Variants in SYT12 observed in about 807,000 individuals in gnomAD.
The protein encoded by SYT12 is synaptotagmin 12.
In SYT12, 27 loss-of-function variants were observed where a neutral mutation model predicts 39.5. That is an observed-to-expected ratio of 0.68 (90% confidence interval 0.50 to 0.94). SYT12 has a LOEUF of 0.94. SYT12 is among the 40% of genes least tolerant of loss of function. The pLI is 0.00. For missense variants in SYT12, 536 were observed against 572.6 expected, an observed-to-expected ratio of 0.94 and a Z score of 0.65; for synonymous variants, 233 against 239.7, an observed-to-expected ratio of 0.97 and a Z score of 0.26.
intron 3 of SYT12, among the ~76,000 whole-genome samples, chr11:67,016,789 C>G (rs1361124748): frequency 6.6e-6 from 1 of 152,060 alleles, no homozygotes; most frequent in Non-Finnish European, 1.5e-5. Context: ...TCACACTTCC[C>G]CCTAGAAGCC....
At chr11:67,039,688 C>T (rs1318476323) in intron 3 of SYT12, 123 bp from the exon 4 acceptor site, 2 of 1,219,726 alleles carry the variant, frequency 1.6e-6, no homozygotes, top group Non-Finnish European at 2.3e-6. Flanking sequence ...GGATGCAGGG[C>T]TTCTGTGAAA....
intron 3 of SYT12, 79 bp from the exon 4 acceptor site, chr11:67,039,732 T>C: frequency 6.7e-7 from 1 of 1,503,316 alleles, no homozygotes; most frequent in Non-Finnish European, 8.9e-7. Context: ...GAACAGGCCT[T>C]ACTCATCTCT....
At chr11:67,045,691 G>T in intron 6 of SYT12, 53 bp from the exon 7 acceptor site, 1 of 1,600,400 alleles carries the variant, frequency 6.2e-7, no homozygotes, top group East Asian at 2.3e-5. Context: ...AAACTGGGCA[G>T]GGCTGTGGTG....
intron 2 of SYT12, among the ~76,000 whole-genome samples, chr11:67,033,703 G>A (rs1168195839): frequency 6.6e-6 from 1 of 152,198 alleles, no homozygotes; most frequent in African/African-American, 2.4e-5. Context: ...GCAGTACTAA[G>A]AGCAGTTTAG....
At chr11:67,037,779 G>C (rs1277171493) in intron 3 of SYT12, among the ~76,000 whole-genome samples, 1 of 151,444 alleles carries the variant, frequency 6.6e-6, no homozygotes, top group South Asian at 2.1e-4. Flanking sequence ...CTACTCAGAA[G>C]GCTGAAGCAG....
At chr11:67,007,849 C>T (rs894456671) in intron 1 of SYT12, among the ~76,000 whole-genome samples, 1 of 151,916 alleles carries the variant, frequency 6.6e-6, no homozygotes, top group Non-Finnish European at 1.5e-5. Context: ...CAGGTGTGAG[C>T]CACTGCACCC....
chr11:67,039,389 C>G (rs905094525), intron 3 of SYT12, among the ~76,000 whole-genome samples: 2 of 152,006 alleles, frequency 1.3e-5, no homozygotes, highest in Non-Finnish European at 2.9e-5. Context: ...GGTAGGTGGG[C>G]AGATCACCTG....
intron 3 of SYT12, among the ~76,000 whole-genome samples, chr11:67,038,042 CAA>C (rs373112616): frequency 1.9e-4 from 19 of 98,150 alleles, no homozygotes; most frequent in African/African-American, 2.5e-4. Context: ...GACCCTGTCT[CAA>C]AAAAAAAAAA....
chr11:67,040,953 T>C (rs1033802271), intron 4 of SYT12, among the ~76,000 whole-genome samples: 4 of 148,880 alleles, frequency 2.7e-5, no homozygotes, highest in African/African-American at 9.9e-5. Context: ...TAACCAGGAG[T>C]TCAAGGCCAG....
At chr11:67,021,323 C>CTTT (rs369425531), upstream of SYT12, among the ~76,000 whole-genome samples, 3 of 145,882 alleles carry the variant, frequency 2.1e-5, no homozygotes, top group African/African-American at 7.5e-5. Context: ...CTCAACTTTG[C>CTTT]TTTTTTTTTT....
chr11:67,024,017 A>G (rs367805341), intron 1 of SYT12, among the ~76,000 whole-genome samples: 21 of 144,562 alleles, frequency 1.5e-4, no homozygotes, highest in African/African-American at 5.3e-4. Context: ...GGAGAGGGGT[A>G]TGGCGGGGCA....
intron 2 of SYT12, among the ~76,000 whole-genome samples, chr11:67,034,338 C>A (rs985765996): frequency 1.3e-5 from 2 of 152,116 alleles, no homozygotes; most frequent in South Asian, 4.1e-4. Flanking sequence ...AAATATTTTG[C>A]GGGCCGACAT....
At chr11:67,009,714 A>G (rs80075945) in intron 1 of SYT12, among the ~76,000 whole-genome samples, 3,696 of 151,964 alleles carry the variant, frequency 0.024, 153 homozygotes, top group African/African-American at 0.085. Flanking sequence ...CAGACACAGG[A>G]ACAAATAATT....
upstream of SYT12, among the ~76,000 whole-genome samples, chr11:67,022,453 C>T (rs867949961): frequency 6.6e-6 from 1 of 152,240 alleles, no homozygotes; most frequent in Non-Finnish European, 1.5e-5. Context: ...CAGTGCAAGC[C>T]GTGCCTCACT....
Position 67,030,146 on chromosome 11 carries a change from TG to T in SYT12, c.4del (p.Ala2?). 3 of 1,614,092 alleles carry T rather than the reference TG, an allele frequency of 1.9e-6. No homozygotes were observed. Among genetic ancestry groups the T allele is most frequent in the Non-Finnish European group, 2.5e-6 (3 of 1,180,028 alleles). On this transcript the variant is annotated frameshift_variant and start_lost, in exon 2 of 8. Transcript: ENST00000527043. LOFTEE classifies it high-confidence loss of function. The stretch of plus-strand genomic sequence containing the variant: ...GTCACAGTCACTGCAGCAGACATCA[TG>T]GCTGTGGATGTGGCAGAATACCATC... [M>X]AVDVAEYHLS... is the part of the protein sequence containing the mutation.
At chr11:67,015,724 C>G (rs901863114) in intron 3 of SYT12, among the ~76,000 whole-genome samples, 1 of 152,170 alleles carries the variant, frequency 6.6e-6, no homozygotes. Context: ...TGTGACACTT[C>G]CCAGCTGTTG....
At position 67,049,005 on chromosome 11, in the gene SYT12, C is replaced by G; in HGVS notation, c.*248C>G. On this transcript the variant is annotated 3_prime_UTR_variant, in exon 8 of 8. Coordinates refer to ENST00000527043, the MANE Select transcript of SYT12 (RefSeq NM_177963.4). ...GCTGGGCCAGGACAGAGGACTCAAC[C>G]CTGCTCCTCCCGGTAGGCCAGCTGC... 2.4e-6 allele frequency: 1 copy of G among 418,566 alleles called. No homozygotes were observed. Among genetic ancestry groups the G allele is most frequent in the Non-Finnish European group, 4.3e-6 (1 of 233,138 alleles). 25.9% of individuals were successfully genotyped at this position (418,566 alleles called of 1,614,324 possible). A position where few individuals can be genotyped will look rare whatever the true frequency, so the allele number is the denominator to read the frequency against.
chr11:67,029,979 G>A lies in SYT12; in HGVS notation c.-23-143G>A, dbSNP rs1204250059. Reference sequence around the variant, plus strand: ...AGCTTTAAACATCATTTCTTAAAATGCCAAGCCTCCCTTTGGTGGCACTCC... The same window carrying A: ...AGCTTTAAACATCATTTCTTAAAATACCAAGCCTCCCTTTGGTGGCACTCC... On this transcript the variant is annotated intron_variant, in intron 1 of 7. Coordinates refer to ENST00000527043, the MANE Select transcript of SYT12 (RefSeq NM_177963.4). 2.8e-5 allele frequency: 18 copies of A among 633,236 alleles called. No individual in the cohort carries two copies. In the Admixed American group the frequency reaches 4.4e-4, roughly 15 times the overall value. The allele number at this position is 633,236 out of a possible 1,614,324, so 39.2% of individuals were successfully genotyped here. A position where few individuals can be genotyped will look rare whatever the true frequency, so the allele number is the denominator to read the frequency against.
rs1428574286 is a variant in SYT12 at position 67,043,512 on chromosome 11, G to T, written c.622-126G>T. 6 of 848,354 alleles carry T rather than the reference G, an allele frequency of 7.1e-6. No individual in the cohort carries two copies. In the East Asian group the frequency reaches 9.7e-5, roughly 14 times the overall value. The allele number at this position is 848,354 out of a possible 1,614,324, so 52.6% of individuals were successfully genotyped here. On this transcript the variant is annotated intron_variant, in intron 4 of 7. Transcript: ENST00000527043. ...GGCTGAGCCACCAAAGGAAAGATTGGCATTGAGGGTGTCAAGACAACAGAG... is the reference window on the plus strand; with the variant it reads ...GGCTGAGCCACCAAAGGAAAGATTGTCATTGAGGGTGTCAAGACAACAGAG...
Sources: allele counts gnomAD v4.1 joint callset (sites outside exome capture counted in the v4.1 genomes callset), GRCh38; gene constraint gnomAD v4.1.1; transcripts MANE v1.5; gene names NCBI Gene and HGNC (gene_info 2026-07-23, HGNC 2026-07-21).